The following SIDT1 variants were observed in gnomAD, a reference collection of about 807,000 sequenced individuals.
SIDT1 encodes the protein SID1 transmembrane family, member 1.
A neutral mutation model predicts 107.5 loss-of-function variants in SIDT1; 101 were observed. The ratio of observed to expected loss-of-function variants is 0.94; its 90% CI spans 0.80 to 1.11. SIDT1 has a LOEUF of 1.11. Ranked by LOEUF, SIDT1 falls within the 50% of genes least tolerant of loss-of-function variation. SIDT1 has a pLI of 0.00. For missense variants in SIDT1, 1,076 were observed against 1,058.2 expected, an observed-to-expected ratio of 1.02 and a Z score of -0.23; for synonymous variants, 395 against 398.2, an observed-to-expected ratio of 0.99 and a Z score of 0.10.
intron 1 of SIDT1, among the ~76,000 whole-genome samples, chr3:113,536,941 G>C (rs1477729115): frequency 1.3e-5 from 2 of 152,222 alleles, no homozygotes; most frequent in Non-Finnish European, 2.9e-5. Flanking sequence ...AGCCAGGCTA[G>C]AAGGAAACTA....
chr3:113,568,241 G>T (rs930124551), intron 3 of SIDT1, among the ~76,000 whole-genome samples: 1 of 151,932 alleles, frequency 6.6e-6, no homozygotes, highest in Non-Finnish European at 1.5e-5. Flanking sequence ...ATGAGATTTG[G>T]ACACTTCACT....
chr3:113,553,901 G>A (rs140054857), intron 1 of SIDT1, among the ~76,000 whole-genome samples: 5 of 152,170 alleles, frequency 3.3e-5, no homozygotes, highest in South Asian at 2.1e-4. Context: ...CAAAAAATTC[G>A]CTGGGCGTAG....
In SIDT1 at chr3:113,608,180, A is replaced by G. The variant is rs769815286; in HGVS notation, c.1565A>G (p.His522Arg). 2.5e-6 allele frequency: 4 copies of G among 1,609,472 alleles called. No homozygotes were observed. The South Asian group carries it at 4.4e-5, about 18-fold the overall frequency. The change falls in exon 16 of 25, where the codon CAT becomes CGT. Residue 522 changes from histidine to arginine, a missense_variant. Physicochemically the swap from His to Arg is conservative, Grantham distance 29 (BLOSUM62 0). Transcript: ENST00000264852. ...ATAGTCTTGCGCCGCGACATCCTCC[A>G]TCGGAGAGCCCTGGAAGCCAAGGAC... ...LLIVLRRDIL[H>R]RRALEAKDIF...
At chr3:113,600,784 G>T (rs961594922) in intron 10 of SIDT1, among the ~76,000 whole-genome samples, 1 of 152,224 alleles carries the variant, frequency 6.6e-6, no homozygotes, top group Non-Finnish European at 1.5e-5. Flanking sequence ...GAAAAGCATA[G>T]ATGGTATTGA....
intron 9 of SIDT1, among the ~76,000 whole-genome samples, chr3:113,585,649 C>G (rs999034842): frequency 6.6e-6 from 1 of 152,148 alleles, no homozygotes; most frequent in Non-Finnish European, 1.5e-5. Flanking sequence ...GATTTAGAAA[C>G]AGCTTTAAAC....
At chr3:113,555,169 T>C (rs974159682) in intron 1 of SIDT1, among the ~76,000 whole-genome samples, 1 of 152,212 alleles carries the variant, frequency 6.6e-6, no homozygotes, top group African/African-American at 2.4e-5. Context: ...TTATGTCTAC[T>C]ACACTGTAGC....
chr3:113,571,329 G>A (rs969708764), intron 3 of SIDT1, among the ~76,000 whole-genome samples: 3 of 152,182 alleles, frequency 2.0e-5, no homozygotes, highest in Non-Finnish European at 2.9e-5. Context: ...GAGGCAAGAG[G>A]ACTGATTGAG....
At chr3:113,637,111 C>T in the SIDT1 span, among the ~76,000 whole-genome samples, 3 of 152,206 alleles carry the variant, frequency 2.0e-5, no homozygotes, top group African/African-American at 7.2e-5. Context: ...GGCGCGGTGG[C>T]TCACGCCTGT....
intron 3 of SIDT1, among the ~76,000 whole-genome samples, chr3:113,574,928 A>T (rs540726528): frequency 1.3e-5 from 2 of 152,314 alleles, no homozygotes; most frequent in South Asian, 4.1e-4. Context: ...CCCTAACAAA[A>T]TAAACCCTCC....
chr3:113,585,378 A>C, intron 9 of SIDT1, 108 bp downstream of exon 9: 1 of 813,232 alleles, frequency 1.2e-6, no homozygotes, highest in Non-Finnish European at 2.1e-6. Flanking sequence ...TCCCTCAGCC[A>C]CTAGCAATGT....
intron 21 of SIDT1, 126 bp downstream of exon 21, chr3:113,619,852 T>C: frequency 1.2e-6 from 1 of 841,792 alleles, no homozygotes; most frequent in Non-Finnish European, 1.9e-6. Flanking sequence ...CTGCTTGTTC[T>C]AGAGACTCAA....
At chr3:113,597,733 A>G (rs1944675144) in intron 10 of SIDT1, among the ~76,000 whole-genome samples, 1 of 152,202 alleles carries the variant, frequency 6.6e-6, no homozygotes, top group African/African-American at 2.4e-5. Context: ...AGTGAAGTAG[A>G]CAGATGCAGG....
intron 11 of SIDT1, 149 bp downstream of exon 11, chr3:113,601,808 G>A: frequency 1.3e-5 from 7 of 546,982 alleles, no homozygotes; most frequent in Non-Finnish European, 2.3e-5. Flanking sequence ...GTTGCTTGGA[G>A]ATTTGGAAGC....
chr3:113,595,626 A>C (rs557068273), intron 10 of SIDT1, among the ~76,000 whole-genome samples: 9 of 152,002 alleles, frequency 5.9e-5, no homozygotes, highest in African/African-American at 2.2e-4. Flanking sequence ...TTTTGGGGGC[A>C]AAACTCTTTC....
chr3:113,618,845 G>A (rs1310179100), intron 20 of SIDT1, among the ~76,000 whole-genome samples: 1 of 152,080 alleles, frequency 6.6e-6, no homozygotes, highest in Non-Finnish European at 1.5e-5. Context: ...TTTATTTTGG[G>A]ACAGAGTCTT....
At chr3:113,536,045 A>ATTCCTG (rs1938115637) in intron 1 of SIDT1, among the ~76,000 whole-genome samples, 1 of 152,222 alleles carries the variant, frequency 6.6e-6, no homozygotes, top group Admixed American at 6.5e-5. Flanking sequence ...ATCACAGCAC[A>ATTCCTG]AGATAGGTGA....
chr3:113,574,088 G>A (rs909910060), intron 3 of SIDT1, among the ~76,000 whole-genome samples: 1 of 152,248 alleles, frequency 6.6e-6, no homozygotes, highest in South Asian at 2.1e-4. Context: ...ATTTGGGTGG[G>A]GTGTTTGTTA....
Position 113,593,055 on chromosome 3 carries a change from G to C in SIDT1, c.1045+7G>C. ...AGCTTTGGGTCCAATGATGGTAAGA[G>C]CAATGCTTGGTTTCAATTCAAAATG... On this transcript the variant is annotated splice_region_variant and intron_variant, in intron 10 of 24. Coordinates refer to ENST00000264852, the MANE Select transcript of SIDT1 (RefSeq NM_017699.3). 2 of 1,611,172 alleles carry C rather than the reference G, an allele frequency of 1.2e-6. No homozygotes were observed. The highest frequency in any genetic ancestry group is 1.7e-6 in the Non-Finnish European group (2 of 1,177,306).
Position 113,627,849 on chromosome 3 carries a change from G to C in SIDT1, c.*141G>C. 1 of 730,392 alleles carries C rather than the reference G, an allele frequency of 1.4e-6. No individual in the cohort carries two copies. The allele number at this position is 730,392 out of a possible 1,614,324, so 45.2% of individuals were successfully genotyped here. ...CAACTCTGCATTCACACAGGAAGGA[G>C]AGGGGCTGCGGGAGATTTAAACCTG... On this transcript the variant is annotated 3_prime_UTR_variant, in exon 25 of 25. Coordinates refer to ENST00000264852, the MANE Select transcript of SIDT1 (RefSeq NM_017699.3).
Sources: allele counts gnomAD v4.1 joint callset (sites outside exome capture counted in the v4.1 genomes callset), GRCh38; gene constraint gnomAD v4.1.1; transcripts MANE v1.5; gene names NCBI Gene and HGNC (gene_info 2026-07-23, HGNC 2026-07-21).